Variants in PRKG1 observed in about 807,000 individuals in gnomAD.
The protein encoded by PRKG1 is protein kinase cGMP-dependent 1, also known as cGMP-dependent protein kinase 1.
A neutral mutation model predicts 88.1 loss-of-function variants in PRKG1; 35 were observed. The observed-to-expected ratio is 0.40, with a 90% CI of 0.30 to 0.53. The LOEUF (loss-of-function observed/expected upper bound fraction) is 0.53. Among genes scored for constraint, PRKG1 ranks in the 20% least tolerant of loss-of-function variants. The pLI is 0.59. For missense variants in PRKG1, 540 were observed against 839.8 expected (o/e 0.64, Z 4.41); for synonymous variants, 303 against 292.5 (o/e 1.04, Z -0.37).
chr10:51,045,425 G>A lies in PRKG1; in HGVS notation c.266+53781G>A, dbSNP rs980918018. On this transcript the variant is annotated intron_variant, in intron 1 of 17. Transcript: ENST00000401604. Reference sequence around the variant, plus strand: ...CAACCTCCACTTCCTGGCTTCAAGCGATTCTCCTGCCTCAGCCTCCCCAAG... The same window carrying A: ...CAACCTCCACTTCCTGGCTTCAAGCAATTCTCCTGCCTCAGCCTCCCCAAG... 7.9e-5 allele frequency among the ~76,000 whole-genome samples: 12 copies of A among 152,080 alleles called. No individual in the cohort carries two copies. In the East Asian group the frequency reaches 1.7e-3, roughly 22 times the overall value.
intron 2 of PRKG1, among the ~76,000 whole-genome samples, chr10:51,307,388 G>T (rs918534992): frequency 7.2e-5 from 11 of 152,066 alleles, no homozygotes; most frequent in Admixed American, 5.9e-4. Context: ...TGCAATCAGT[G>T]GTGGCACCAG....
At chr10:51,897,797 A>C (rs1328521553) in intron 4 of PRKG1, among the ~76,000 whole-genome samples, 1 of 150,282 alleles carries the variant, frequency 6.7e-6, no homozygotes, top group Non-Finnish European at 1.5e-5. Context: ...CATGCAGTGG[A>C]CTCTCATCTG....
intron 3 of PRKG1, among the ~76,000 whole-genome samples, chr10:51,477,908 T>C (rs960006623): frequency 5.3e-5 from 8 of 152,048 alleles, no homozygotes; most frequent in African/African-American, 1.9e-4. Context: ...TGCTTTGAAT[T>C]AACTTGTACA....
At chr10:51,219,436 G>C (rs945808191) in intron 2 of PRKG1, among the ~76,000 whole-genome samples, 3 of 152,084 alleles carry the variant, frequency 2.0e-5, no homozygotes, top group Non-Finnish European at 2.9e-5. Flanking sequence ...GCGGCCGGGC[G>C]CAGTGGCTCA....
chr10:51,961,604 C>A (rs1423254023), intron 5 of PRKG1, among the ~76,000 whole-genome samples: 1 of 152,188 alleles, frequency 6.6e-6, no homozygotes, highest in Admixed American at 6.5e-5. Context: ...GATGACTTCC[C>A]TCTTCTATGC....
intron 2 of PRKG1, among the ~76,000 whole-genome samples, chr10:51,182,498 A>C (rs2132027434): frequency 6.6e-6 from 1 of 152,246 alleles, no homozygotes; most frequent in Middle Eastern, 3.4e-3. Flanking sequence ...TTTGTGGCCA[A>C]ATACATGGAT....
At chr10:51,142,923 A>C (rs1444088564) in intron 1 of PRKG1, among the ~76,000 whole-genome samples, 2 of 152,132 alleles carry the variant, frequency 1.3e-5, no homozygotes, top group Non-Finnish European at 2.9e-5. Context: ...ATGCATTTAC[A>C]ATGGTTAAAT....
intron 4 of PRKG1, among the ~76,000 whole-genome samples, chr10:51,881,527 T>C (rs1841437882): frequency 6.6e-6 from 1 of 152,148 alleles, no homozygotes; most frequent in Non-Finnish European, 1.5e-5. Context: ...TTCTTGAAAT[T>C]TGAATGGATT....
At chr10:52,271,513 G>T (rs781550125) in intron 11 of PRKG1, 24 bp downstream of exon 11, 2 of 1,604,124 alleles carry the variant, frequency 1.2e-6, no homozygotes, top group South Asian at 2.2e-5. Flanking sequence ...GCCAGGGACA[G>T]ACGTACCCAA....
intron 4 of PRKG1, among the ~76,000 whole-genome samples, chr10:51,840,525 ATT>A (rs1564669815): frequency 6.9e-6 from 1 of 144,974 alleles, no homozygotes; most frequent in African/African-American, 2.5e-5. Flanking sequence ...TATTTTATTT[ATT>A]TATTTATTTA....
chr10:51,165,534 C>G (rs1305529455), intron 2 of PRKG1, among the ~76,000 whole-genome samples: 1 of 152,058 alleles, frequency 6.6e-6, no homozygotes, highest in Non-Finnish European at 1.5e-5. Context: ...GGATCAAATT[C>G]ACACATAACA....
At chr10:51,818,200 A>G (rs1237875707) in intron 4 of PRKG1, among the ~76,000 whole-genome samples, 2 of 152,198 alleles carry the variant, frequency 1.3e-5, no homozygotes, top group Admixed American at 1.3e-4. Flanking sequence ...AAGTCAAACC[A>G]GTGCAAGGAG....
chr10:52,263,187 G>T (rs1203214322), intron 10 of PRKG1, among the ~76,000 whole-genome samples: 1 of 152,092 alleles, frequency 6.6e-6, no homozygotes, highest in Non-Finnish European at 1.5e-5. Flanking sequence ...TTTTAAAAAT[G>T]TGTCAATATT....
At chr10:52,243,563 G>A (rs1840922592) in intron 9 of PRKG1, among the ~76,000 whole-genome samples, 1 of 152,094 alleles carries the variant, frequency 6.6e-6, no homozygotes, top group African/African-American at 2.4e-5. Context: ...ATGTTTAAAA[G>A]GAAAATTATT....
intron 12 of PRKG1, among the ~76,000 whole-genome samples, chr10:52,274,977 T>A (rs991469259): frequency 6.6e-6 from 1 of 152,204 alleles, no homozygotes; most frequent in African/African-American, 2.4e-5. Flanking sequence ...CATTTGTATA[T>A]CTTCTTTTGA....
intron 4 of PRKG1, among the ~76,000 whole-genome samples, chr10:51,805,315 T>TA (rs2132612552): frequency 6.6e-6 from 1 of 152,118 alleles, no homozygotes; most frequent in East Asian, 1.9e-4. Context: ...GAAATTAGAA[T>TA]AAAAACCAGC....
At chr10:51,834,189 G>T (rs1433337298) in intron 4 of PRKG1, among the ~76,000 whole-genome samples, 1 of 151,918 alleles carries the variant, frequency 6.6e-6, no homozygotes, top group Non-Finnish European at 1.5e-5. Context: ...CTCCATAATG[G>T]CCTCTTTTCC....
intron 2 of PRKG1, among the ~76,000 whole-genome samples, chr10:51,242,067 A>G (rs1256448275): frequency 6.6e-6 from 1 of 152,160 alleles, no homozygotes; most frequent in Non-Finnish European, 1.5e-5. Context: ...ACTGAAATTC[A>G]AATAGAATAA....
At chr10:51,801,018 C>T (rs1168172214) in intron 3 of PRKG1, among the ~76,000 whole-genome samples, 2 of 152,090 alleles carry the variant, frequency 1.3e-5, no homozygotes, top group Non-Finnish European at 2.9e-5. Flanking sequence ...CTTCTTTAAT[C>T]ATCTCTTCTC....
Sources: allele counts gnomAD v4.1 joint callset (sites outside exome capture counted in the v4.1 genomes callset), GRCh38; gene constraint gnomAD v4.1.1; transcripts MANE v1.5; gene names NCBI Gene and HGNC (gene_info 2026-07-23, HGNC 2026-07-21).